DHX35: variants seen among roughly 807,000 people sequenced by gnomAD.
DHX35 encodes DEAH-box helicase 35.
DHX35 carries 84 observed loss-of-function variants against 99.6 expected under a neutral mutation model. The observed-to-expected ratio is 0.84, with a 90% confidence interval of 0.71 to 1.01. DHX35 has a LOEUF of 1.01. DHX35 is among the 50% of genes least tolerant of loss of function. DHX35 has a pLI of 0.00. For missense variants in DHX35, 852 were observed against 888.5 expected (o/e 0.96, Z 0.52); for synonymous variants, 331 against 316.2 (o/e 1.05, Z -0.50).
Position 39,038,522 on chromosome 20 carries a change from G to T in DHX35, c.2091G>T (p.Arg697Ser). 1 of 1,613,218 alleles carries T rather than the reference G, an allele frequency of 6.2e-7. No homozygotes were observed. The highest frequency in any genetic ancestry group is 8.5e-7 in the Non-Finnish European group (1 of 1,179,986). ...QGTHLSLKAK[R>S]AKVQDP is the part of the protein sequence containing the mutation. The stretch of plus-strand genomic sequence containing the variant: ...AGCACCTGTCTCTGAAAGCCAAAAG[G>T]GCCAAGGTCCAGGACCCGTGAGAGG... The change falls in exon 22 of 22, where the codon AGG becomes AGT. Residue 697 changes from arginine (R) to serine (S), a missense_variant. Transcript: ENST00000252011.
chr20:39,008,825 C>T (rs775995541), intron 12 of DHX35, among the ~76,000 whole-genome samples: 5 of 152,238 alleles, frequency 3.3e-5, no homozygotes, highest in Admixed American at 6.5e-5. Context: ...AACAGATCCT[C>T]CTTGTCCTTC....
At chr20:39,018,665 G>A in intron 14 of DHX35, 139 bp from the exon 15 acceptor site, 1 of 791,080 alleles carries the variant, frequency 1.3e-6, no homozygotes, top group South Asian at 1.8e-5. Flanking sequence ...GTGTCAAATG[G>A]AGTTTGGTGT....
At chr20:39,002,160 G>T (rs2086531338) in intron 9 of DHX35, among the ~76,000 whole-genome samples, 1 of 152,190 alleles carries the variant, frequency 6.6e-6, no homozygotes, top group Non-Finnish European at 1.5e-5. Context: ...GTCAGCAGGG[G>T]CAGTATTGGT....
intron 1 of DHX35, 23 bp downstream of exon 1, chr20:38,962,430 G>A (rs550769325): frequency 6.2e-5 from 100 of 1,609,968 alleles, no homozygotes; most frequent in Non-Finnish European, 6.4e-5. Context: ...GTGGAACGCT[G>A]GGCAGATGCG....
intron 8 of DHX35, among the ~76,000 whole-genome samples, chr20:38,998,680 A>C (rs939671608): frequency 2.0e-5 from 3 of 152,170 alleles, no homozygotes; most frequent in Admixed American, 1.3e-4. Context: ...TTCTGCCTCA[A>C]GATTCTTGCA....
chr20:38,987,454 G>A (rs1305945461), intron 4 of DHX35, among the ~76,000 whole-genome samples: 1 of 152,140 alleles, frequency 6.6e-6, no homozygotes, highest in Non-Finnish European at 1.5e-5. Flanking sequence ...ATGTCGGCCA[G>A]GCTGGTCTTG....
intron 20 of DHX35, among the ~76,000 whole-genome samples, chr20:39,032,282 C>T (rs2087068304): frequency 6.6e-6 from 1 of 152,194 alleles, no homozygotes; most frequent in South Asian, 2.1e-4. Context: ...AGTGATTCTC[C>T]TGCCTCAGCC....
chr20:38,983,795 T>C lies in DHX35; in HGVS notation c.345+19T>C. ...TGTTACAGTGAGTTTCTTTTTGTGT[T>C]GGAAAGATTCTATCTGTGTTGTCTA... On this transcript the variant is annotated intron_variant, in intron 4 of 21. Coordinates refer to ENST00000252011, the MANE Select transcript of DHX35 (RefSeq NM_021931.4). 6.2e-7 allele frequency: 1 copy of C among 1,604,378 alleles called. No individual in the cohort carries two copies. Among genetic ancestry groups the C allele is most frequent in the Non-Finnish European group, 8.5e-7 (1 of 1,172,842 alleles).
chr20:38,986,753 A>T (rs969020416), intron 4 of DHX35, among the ~76,000 whole-genome samples: 12 of 152,240 alleles, frequency 7.9e-5, no homozygotes, highest in Non-Finnish European at 1.6e-4. Flanking sequence ...AGGCAGAGCA[A>T]TGTAGGATAA....
chr20:39,005,574 T>C lies in DHX35; in HGVS notation c.1012-572T>C, dbSNP rs1036915870. 7.9e-5 allele frequency among the ~76,000 whole-genome samples: 12 copies of C among 152,232 alleles called. No individual in the cohort carries two copies. The East Asian group carries it at 2.1e-3, about 27-fold the overall frequency. The stretch of plus-strand genomic sequence containing the variant: ...CCTCATTGTGTTAATATTTTCTTTA[T>C]AGTATTTGTTGTTCTCTGAAATTAT... On this transcript the variant is annotated intron_variant, in intron 11 of 21. Transcript: ENST00000252011.
intron 3 of DHX35, among the ~76,000 whole-genome samples, chr20:38,981,668 C>T (rs891976984): frequency 6.6e-6 from 1 of 152,042 alleles, no homozygotes. Context: ...TGGGGCCGGG[C>T]GTGGTGGCTC....
At chr20:39,009,897 C>T (rs778650816) in intron 12 of DHX35, among the ~76,000 whole-genome samples, 132 of 152,186 alleles carry the variant, frequency 8.7e-4, no homozygotes, top group Non-Finnish European at 1.3e-3. Context: ...GGTGATTTAT[C>T]TTGAAATTGT....
chr20:38,971,994 G>GTTTTTTTTTTT (rs1568714388), intron 2 of DHX35, among the ~76,000 whole-genome samples: 7 of 112,040 alleles, frequency 6.2e-5, no homozygotes, highest in African/African-American at 9.9e-5. Flanking sequence ...TGTTTTTTTT[G>GTTTTTTTTTTT]TTTTGTTTTG....
chr20:39,034,737 C>T (rs954682680), intron 21 of DHX35, among the ~76,000 whole-genome samples: 1 of 151,752 alleles, frequency 6.6e-6, no homozygotes, highest in African/African-American at 2.4e-5. Flanking sequence ...CAGGTGTGTG[C>T]CACCACGTCT....
At chr20:39,021,145 G>T (rs138051553) in intron 15 of DHX35, among the ~76,000 whole-genome samples, 112 of 152,296 alleles carry the variant, frequency 7.4e-4, no homozygotes, top group African/African-American at 2.6e-3. Context: ...TGTGCCTTGG[G>T]CTTCCCAGCT....
intron 14 of DHX35, among the ~76,000 whole-genome samples, chr20:39,015,190 A>T (rs927508147): frequency 6.6e-6 from 1 of 152,110 alleles, no homozygotes; most frequent in African/African-American, 2.4e-5. Context: ...CCAGGGCTAC[A>T]CTCCTAAGAG....
intron 4 of DHX35, among the ~76,000 whole-genome samples, chr20:38,988,162 T>G (rs751567068): frequency 6.6e-6 from 1 of 152,228 alleles, no homozygotes; most frequent in Non-Finnish European, 1.5e-5. Flanking sequence ...GTGGCTCAAC[T>G]TGAATAATTT....
At chr20:39,036,029 CCT>C (rs550186018) in intron 21 of DHX35, among the ~76,000 whole-genome samples, 132 of 152,200 alleles carry the variant, frequency 8.7e-4, no homozygotes, top group South Asian at 3.9e-3. Context: ...TCCTTCAAAA[CCT>C]CTCAGGTGGA....
At chr20:38,966,552 C>T (rs2085914358) in intron 1 of DHX35, among the ~76,000 whole-genome samples, 1 of 152,044 alleles carries the variant, frequency 6.6e-6, no homozygotes, top group Non-Finnish European at 1.5e-5. Flanking sequence ...GCCTGTAATC[C>T]CAGCTACTCG....
Sources: allele counts gnomAD v4.1 joint callset (sites outside exome capture counted in the v4.1 genomes callset), GRCh38; gene constraint gnomAD v4.1.1; transcripts MANE v1.5; gene names NCBI Gene and HGNC (gene_info 2026-07-23, HGNC 2026-07-21).